Variants in GPR107 observed in about 807,000 individuals in gnomAD.
GPR107 encodes the protein protein GPR107.
In GPR107, 31 loss-of-function variants were observed where a neutral mutation model predicts 75.5. The ratio of observed to expected loss-of-function variants is 0.41; its 90% CI spans 0.31 to 0.55. The LOEUF is 0.55. Ranked by LOEUF, GPR107 falls within the 20% of genes least tolerant of loss-of-function variation. The pLI is 0.26. For missense variants in GPR107, 572 were observed against 665.7 expected (o/e 0.86, Z 1.55); for synonymous variants, 267 against 251.3 (o/e 1.06, Z -0.59).
At chr9:130,129,485 A>C (rs1453122149) in intron 17 of GPR107, 2 of 152,222 alleles carry the variant, frequency 1.3e-5, no homozygotes, top group Non-Finnish European at 2.9e-5. Context: ...AGAGGCTGAG[A>C]CTCGGCCCAT....
At chr9:130,057,829 TA>T (rs1829831037) in intron 1 of GPR107, among the ~76,000 whole-genome samples, 1 of 105,696 alleles carries the variant, frequency 9.5e-6, no homozygotes, top group African/African-American at 3.4e-5. Flanking sequence ...ATTTATTTAT[TA>T]TTATTATTTT....
chr9:130,071,632 TG>T (rs1830214501), intron 1 of GPR107, among the ~76,000 whole-genome samples: 1 of 152,062 alleles, frequency 6.6e-6, no homozygotes, highest in Non-Finnish European at 1.5e-5. Context: ...CTCTGAAAAC[TG>T]GGAGTTGTGA....
In GPR107 at chr9:130,063,836, A is replaced by G. The variant is rs1247124206; in HGVS notation, c.141+9763A>G. 2.3e-5 allele frequency among the ~76,000 whole-genome samples: 3 copies of G among 128,606 alleles called. No individual in the cohort carries two copies. The East Asian group carries it at 6.8e-4, about 29-fold the overall frequency. 84.4% of individuals were successfully genotyped at this position (128,606 alleles called of 152,430 possible). ...TTTTTTTTTTTTTTTTGAGGGTCAT[A>G]CTCTGTCACCCAGGCTGGAATGCAG... On this transcript the variant is annotated intron_variant, in intron 1 of 17. Transcript: ENST00000347136.
chr9:130,084,069 TGTAC>T (rs1830556631), intron 6 of GPR107, among the ~76,000 whole-genome samples: 1 of 147,460 alleles, frequency 6.8e-6, no homozygotes, highest in Non-Finnish European at 1.5e-5. Flanking sequence ...TATATATATA[TGTAC>T]ACACATACAT....
intron 6 of GPR107, 66 bp from the exon 7 acceptor site, chr9:130,086,354 A>G (rs1289764335): frequency 1.4e-6 from 1 of 710,740 alleles, no homozygotes; most frequent in Non-Finnish European, 2.3e-6. Flanking sequence ...TTGTTTAATA[A>G]ATTACTTTTA....
chr9:130,122,104 G>C (rs1462642228), intron 14 of GPR107, among the ~76,000 whole-genome samples: 1 of 152,090 alleles, frequency 6.6e-6, no homozygotes, highest in Non-Finnish European at 1.5e-5. Flanking sequence ...TGTTAGCCAG[G>C]ATGGTCTCGA....
intron 15 of GPR107, among the ~76,000 whole-genome samples, chr9:130,125,841 A>G (rs1831664329): frequency 6.6e-6 from 1 of 152,042 alleles, no homozygotes; most frequent in Non-Finnish European, 1.5e-5. Flanking sequence ...CGAGGTCAGG[A>G]GATCGAGACC....
intron 14 of GPR107, among the ~76,000 whole-genome samples, chr9:130,113,854 G>C (rs1015181946): frequency 2.0e-5 from 3 of 152,236 alleles, no homozygotes; most frequent in East Asian, 1.9e-4. Context: ...ACTATTCACA[G>C]TAATCTGAAA....
chr9:130,084,191 A>G (rs2132577167), intron 6 of GPR107, among the ~76,000 whole-genome samples: 1 of 151,426 alleles, frequency 6.6e-6, no homozygotes, highest in East Asian at 2.0e-4. Flanking sequence ...TGAGATCAGG[A>G]GTTCGAGACC....
At chr9:130,085,771 T>TTTTTTTTTTTTTTTTTTTTTC (rs1830600791) in intron 6 of GPR107, among the ~76,000 whole-genome samples, 2 of 133,416 alleles carry the variant, frequency 1.5e-5, no homozygotes, top group Non-Finnish European at 3.3e-5. Flanking sequence ...TTTTTTTTTT[T>TTTTTTTTTTTTTTTTTTTTTC]GCCGGGGGGA....
chr9:130,101,319 GA>G (rs1038326645), intron 12 of GPR107, 96 bp downstream of exon 12: 12 of 721,514 alleles, frequency 1.7e-5, no homozygotes, highest in Admixed American at 6.1e-5. Context: ...ACCTCACCCT[GA>G]AACCCCAGCT....
At chr9:130,120,211 C>G (rs1471104230) in intron 14 of GPR107, among the ~76,000 whole-genome samples, 1 of 152,216 alleles carries the variant, frequency 6.6e-6, no homozygotes, top group Non-Finnish European at 1.5e-5. Context: ...CATGGCCTAG[C>G]ATCTGCGCCG....
intron 1 of GPR107, among the ~76,000 whole-genome samples, chr9:130,065,405 C>G (rs557415751): frequency 2.0e-5 from 3 of 151,402 alleles, no homozygotes; most frequent in African/African-American, 7.3e-5. Context: ...CCATTGCACT[C>G]CAGCCTGGAC....
intron 5 of GPR107, 165 bp from the exon 6 acceptor site, chr9:130,083,400 C>T (rs1342879411): frequency 4.8e-6 from 2 of 415,130 alleles, no homozygotes; most frequent in Non-Finnish European, 8.6e-6. Context: ...TTCGACAGTA[C>T]AAGAATTATG....
chr9:130,079,564 C>T (rs56026297), intron 4 of GPR107, 66 bp from the exon 5 acceptor site: 127,035 of 1,373,786 alleles, frequency 0.092, 6,465 homozygotes, highest in East Asian at 0.15. Context: ...AGGGCCTACA[C>T]GCAGCGTGCT....
chr9:130,116,120 TATC>T (rs571249994), intron 14 of GPR107, among the ~76,000 whole-genome samples: 75 of 152,326 alleles, frequency 4.9e-4, no homozygotes, highest in Non-Finnish European at 9.0e-4. Context: ...AGGTCTCTCA[TATC>T]ATCCGGCTGA....
Position 130,139,661 on chromosome 9 carries a change from G to A in GPR107, c.*4540G>A, listed in dbSNP as rs1455799742. ...TGTCTGCAGGTGGGACGGCGTTCTG[G>A]GCAGAGTCAGAATGGTCAGAATGAA... On this transcript the variant is annotated 3_prime_UTR_variant, in exon 18 of 18. Coordinates refer to ENST00000347136, the MANE Select transcript of GPR107 (RefSeq NM_020960.5). 2.0e-5 allele frequency: 3 copies of A among 152,244 alleles called. No individual in the cohort carries two copies. Among genetic ancestry groups the A allele is most frequent in the African/African-American group, 7.2e-5 (3 of 41,424 alleles). The allele number at this position is 152,244 out of a possible 1,614,324, so 9.4% of individuals were successfully genotyped here.
chr9:130,135,371 G>A lies in GPR107; in HGVS notation c.*250G>A. On this transcript the variant is annotated 3_prime_UTR_variant, in exon 18 of 18. Transcript: ENST00000347136. ...GGGAGGGCGGGCACAGGGAGGAGGA[G>A]AGGAAGAGAAAAGGAAGAATTCATT... 1 of 434,278 alleles carries A rather than the reference G, an allele frequency of 2.3e-6. No individual in the cohort carries two copies. Among genetic ancestry groups the A allele is most frequent in the East Asian group, 3.9e-5 (1 of 25,828 alleles). 26.9% of individuals were successfully genotyped at this position (434,278 alleles called of 1,614,324 possible). A position where few individuals can be genotyped will look rare whatever the true frequency, so the allele number is the denominator to read the frequency against.
chr9:130,074,987 C>T (rs1358180477), intron 1 of GPR107, among the ~76,000 whole-genome samples: 2 of 151,212 alleles, frequency 1.3e-5, no homozygotes, highest in East Asian at 3.9e-4. Flanking sequence ...ATGGTTCCTC[C>T]TGCCCTGGAA....
Sources: allele counts gnomAD v4.1 joint callset (sites outside exome capture counted in the v4.1 genomes callset), GRCh38; gene constraint gnomAD v4.1.1; transcripts MANE v1.5; gene names NCBI Gene and HGNC (gene_info 2026-07-23, HGNC 2026-07-21).